TYK2: variants seen among roughly 807,000 people sequenced by gnomAD.
The protein encoded by TYK2 is tyrosine kinase 2.
In TYK2, 65 loss-of-function variants were observed where a neutral mutation model predicts 130.9. That is an observed-to-expected ratio of 0.50 (90% CI 0.41 to 0.61). TYK2 has a LOEUF of 0.61. Ranked by LOEUF, TYK2 falls within the 20% of genes least tolerant of loss-of-function variation. The pLI is 0.00. For missense variants in TYK2, 1,378 were observed against 1,610.7 expected, an observed-to-expected ratio of 0.86 and a Z score of 2.47; for synonymous variants, 647 against 658.9, an observed-to-expected ratio of 0.98 and a Z score of 0.28.
chr19:10,366,614 TG>T lies in TYK2; in HGVS notation c.466-35del, dbSNP rs1364391318. ...AGGAAATTGAGCAGAAAGGGAGGTG[TG>T]AGAATGCGTTCCTCTCTAGCCCAGA... is the stretch of plus-strand genomic sequence containing the variant. On this transcript the variant is annotated intron_variant, in intron 5 of 24. Coordinates refer to ENST00000525621, the MANE Select transcript of TYK2 (RefSeq NM_003331.5). 1.9e-6 allele frequency: 3 copies of T among 1,612,698 alleles called. No homozygotes were observed. In the African/African-American group the frequency reaches 4.0e-5, roughly 22 times the overall value.
chr19:10,372,254 A>G lies in TYK2; in HGVS notation c.194-3836T>C, dbSNP rs971789088. Among the ~76,000 whole-genome samples the G allele has an allele frequency of 6.9e-4, 102 of 148,126 alleles. 1 individual carries two copies. The highest frequency in any genetic ancestry group is 2.4e-3 in the African/African-American group (98 of 40,560). ...ATGATTCGCCCACCTCAGCCTCCCA[A>G]AGTGCTGGGATTACAGGCGTGAGCC... On this transcript the variant is annotated intron_variant, in intron 3 of 24. Transcript: ENST00000525621.
intron 9 of TYK2, among the ~76,000 whole-genome samples, chr19:10,362,890 C>T (rs778080974): frequency 7.9e-5 from 12 of 152,070 alleles, no homozygotes; most frequent in Non-Finnish European, 1.3e-4. Flanking sequence ...ATTTTTTAGA[C>T]GGATTTTCCC....
intron 14 of TYK2, among the ~76,000 whole-genome samples, chr19:10,359,750 C>G (rs911988124): frequency 1.3e-5 from 2 of 151,980 alleles, no homozygotes; most frequent in African/African-American, 4.8e-5. Context: ...GAGGCTGAGG[C>G]GGGCGGATCA....
intron 18 of TYK2, among the ~76,000 whole-genome samples, 156 bp from the exon 19 acceptor site, chr19:10,354,765 C>T (rs192836462): frequency 1.3e-5 from 2 of 151,992 alleles, no homozygotes; most frequent in South Asian, 2.1e-4. Context: ...ACTTATTGTA[C>T]AAAATGATGC....
At chr19:10,367,260 A>G (rs1488118195) in intron 5 of TYK2, among the ~76,000 whole-genome samples, 1 of 152,092 alleles carries the variant, frequency 6.6e-6, no homozygotes, top group African/African-American at 2.4e-5. Context: ...TACACAGCAT[A>G]CACCCCTCCT....
chr19:10,378,390 C>A lies in TYK2; in HGVS notation c.17G>T (p.Trp6Leu). 6.2e-7 allele frequency: 1 copy of A among 1,611,190 alleles called. No individual in the cohort carries two copies. The highest frequency in any genetic ancestry group is 8.5e-7 in the Non-Finnish European group (1 of 1,179,870). The change falls in exon 3 of 25, where the codon TGG (tryptophan) becomes TTG (leucine). Residue 6 changes from tryptophan (W) to leucine (L), a missense_variant. Physicochemically the swap from Trp to Leu is moderately conservative, Grantham distance 61. Coordinates refer to ENST00000525621, the MANE Select transcript of TYK2 (RefSeq NM_003331.5). ...GGGCTTACTGCCCCTGGCCATCCCC[C>A]AGTGGCGCAGAGGCATGCTCCCGGC... MPLRH[W>L]GMARGSKPVG...
At position 10,354,031 on chromosome 19, in the gene TYK2, G is replaced by C. The variant is rs374445528; in HGVS notation, c.2908+11C>G. 5.6e-6 allele frequency: 9 copies of C among 1,613,656 alleles called. No homozygotes were observed. In the African/African-American group the frequency reaches 6.7e-5, roughly 12 times the overall value. On this transcript the variant is annotated intron_variant, in intron 20 of 24. Coordinates refer to ENST00000525621, the MANE Select transcript of TYK2 (RefSeq NM_003331.5). Reference sequence around the variant, plus strand: ...CCCTCAAGTCTCTAGGACTCGCCGGGTCCCGCCCACCTTGGTCCTCGCAGC... The same window carrying C: ...CCCTCAAGTCTCTAGGACTCGCCGGCTCCCGCCCACCTTGGTCCTCGCAGC...
chr19:10,368,557 C>A, intron 3 of TYK2, 139 bp from the exon 4 acceptor site: 2 of 1,285,750 alleles, frequency 1.6e-6, no homozygotes, highest in Non-Finnish European at 1.1e-6. Context: ...CACGTTGCCC[C>A]TGGGCAGAGG....
intron 18 of TYK2, among the ~76,000 whole-genome samples, chr19:10,354,840 G>C (rs376335894): frequency 6.8e-6 from 1 of 147,844 alleles, no homozygotes; most frequent in African/African-American, 2.5e-5. Context: ...ACTTGAGCCC[G>C]GGAGTTCAAG....
At chr19:10,375,998 C>A (rs1033974744) in intron 3 of TYK2, among the ~76,000 whole-genome samples, 1 of 150,980 alleles carries the variant, frequency 6.6e-6, no homozygotes, top group East Asian at 1.9e-4. Context: ...GGAGGGAAAG[C>A]CTTTCTTTCT....
Position 10,359,247 on chromosome 19 carries a change from C to T in TYK2, c.2103G>A (p.Arg701=), listed in dbSNP as rs1365608423. 1.2e-6 allele frequency: 2 copies of T among 1,611,478 alleles called. No individual in the cohort carries two copies. Among genetic ancestry groups the T allele is most frequent in the Admixed American group, 1.7e-5 (1 of 59,950 alleles). The change falls in exon 15 of 25, where the codon AGG becomes AGA. Residue 701 remains arginine (R), a synonymous_variant. Transcript: ENST00000525621. ...EHGPLDVWLR[R]ERGHVPMAWK... The stretch of plus-strand genomic sequence containing the variant: ...AAGCCATGGGCACATGGCCCCGCTC[C>T]CTCCGCAGCCACACATCCAGGGGTC...
In TYK2 at chr19:10,363,677, C is replaced by T. The variant is rs569233713; in HGVS notation, c.1367+937G>A. Among the ~76,000 whole-genome samples the T allele has an allele frequency of 3.9e-5, 6 of 152,298 alleles. No individual in the cohort carries two copies. The South Asian group carries it at 1.0e-3, about 26-fold the overall frequency. ...AGACACAACTAATCACCCAATATGA[C>T]AGGGCAACATAGGGGCCAGGGCATC... On this transcript the variant is annotated intron_variant, in intron 9 of 24. Coordinates refer to ENST00000525621, the MANE Select transcript of TYK2 (RefSeq NM_003331.5).
In TYK2 at chr19:10,353,485, G is replaced by C. The variant is rs1478538932; in HGVS notation, c.3027+43C>G. 6 of 1,396,306 alleles carry C rather than the reference G, an allele frequency of 4.3e-6. No homozygotes were observed. Among genetic ancestry groups the C allele is most frequent in the African/African-American group, 1.4e-5 (1 of 69,378 alleles). 86.5% of individuals were successfully genotyped at this position (1,396,306 alleles called of 1,614,324 possible). A position where few individuals can be genotyped will look rare whatever the true frequency, so the allele number is the denominator to read the frequency against. On this transcript the variant is annotated intron_variant, in intron 21 of 24. Transcript: ENST00000525621. The surrounding 1 kb of genome is among the most constrained non-coding windows in gnomAD (Gnocchi z 6.9). ...ATCGCTCAGGCCAGCCCAAGCTGAA[G>C]AGGAAGGGGCAAGCTCCAGAAGCAG...
chr19:10,378,778 C>A (rs774146223), intron 2 of TYK2, among the ~76,000 whole-genome samples: 1 of 151,810 alleles, frequency 6.6e-6, no homozygotes, highest in African/African-American at 2.4e-5. Flanking sequence ...CCCAGGAGCT[C>A]GAGACCAGCC....
At chr19:10,374,943 G>A (rs929651323) in intron 3 of TYK2, among the ~76,000 whole-genome samples, 5 of 152,088 alleles carry the variant, frequency 3.3e-5, no homozygotes, top group African/African-American at 1.2e-4. Context: ...CAACACTTTG[G>A]GAAGCCAAGG....
chr19:10,376,007 CTTT>C (rs898207480), intron 3 of TYK2, among the ~76,000 whole-genome samples: 1 of 134,636 alleles, frequency 7.4e-6, no homozygotes, highest in Non-Finnish European at 1.6e-5. Flanking sequence ...GCCTTTCTTT[CTTT>C]TTTTTTTTTT....
rs557034991 is a variant in TYK2 at position 10,364,446 on chromosome 19, G to A, written c.1367+168C>T. Reference sequence around the variant, plus strand: ...GGAGAATCGCTTGAACCCGGGAGGCGGAGGCTGCAGTGAGCTGAGATCATG... The same window carrying A: ...GGAGAATCGCTTGAACCCGGGAGGCAGAGGCTGCAGTGAGCTGAGATCATG... On this transcript the variant is annotated intron_variant, in intron 9 of 24. Transcript: ENST00000525621. This position sits in a 1 kb window ranked among gnomAD's most constrained non-coding sequence, Gnocchi z 4.9. 2.6e-5 allele frequency among the ~76,000 whole-genome samples: 4 copies of A among 152,164 alleles called. No individual in the cohort carries two copies. The highest frequency in any genetic ancestry group is 1.9e-4 in the East Asian group (1 of 5,168).
rs72561470 is a variant in TYK2, at chr19:10,362,160, A to C, written c.1691T>G (p.Met564Arg). The C allele has an allele frequency of 3.0e-5, 48 of 1,613,860 alleles. No homozygotes were observed. In the African/African-American group the frequency reaches 5.2e-4, roughly 18 times the overall value. The change falls in exon 12 of 25, where the codon ATG (methionine) becomes AGG (arginine). Residue 564 changes from methionine (M) to arginine (R), a missense_variant. By Grantham distance (91) the Met-to-Arg change is moderately conservative (BLOSUM62 -1). Coordinates refer to ENST00000525621, the MANE Select transcript of TYK2 (RefSeq NM_003331.5). ...CCTGGGGCTGGCCCGAGCCCCCCGC[A>C]TGATGATGAGATTGGAGGTTTCTGG... is the stretch of plus-strand genomic sequence containing the variant. ...QPGETSNLII[M>R]RGARASPRTL... is the part of the protein sequence containing the mutation.
chr19:10,352,758 G>A (rs1489590004), intron 22 of TYK2, among the ~76,000 whole-genome samples, 168 bp downstream of exon 22: 2 of 152,144 alleles, frequency 1.3e-5, no homozygotes, highest in African/African-American at 4.8e-5. Flanking sequence ...AGGCCAAGCC[G>A]CACTCTATAC....
Sources: gnomAD v4.1 joint callset for allele counts (sites outside exome capture counted in the v4.1 genomes callset) on GRCh38, gnomAD v4.1.1 for gene constraint, Gnocchi (gnomAD v3.1) non-coding constraint, MANE v1.5 for transcripts, NCBI Gene and HGNC (gene_info 2026-07-23, HGNC 2026-07-21) for gene names.